MAML2: variants seen among roughly 807,000 people sequenced by gnomAD.
MAML2 encodes the protein mastermind like transcriptional coactivator 2, also known as mastermind-like protein 2.
Under a neutral mutation model 96.1 loss-of-function variants are expected in MAML2, and 22 were observed. The observed-to-expected ratio is 0.23, with a 90% confidence interval of 0.16 to 0.33. The LOEUF is 0.33. Ranked by LOEUF, MAML2 falls within the 10% of genes least tolerant of loss-of-function variation. The pLI is 1.00. For synonymous variants in MAML2, 561 were observed against 521.3 expected (o/e 1.08, Z -1.04); for missense variants, 1,367 against 1,392.4 (o/e 0.98, Z 0.29).
intron 2 of MAML2, among the ~76,000 whole-genome samples, chr11:96,062,671 C>T (rs1435764128): frequency 1.3e-5 from 2 of 152,170 alleles, no homozygotes; most frequent in South Asian, 4.1e-4. Flanking sequence ...CAGGAGGCAG[C>T]GCCCCTTCCC....
In MAML2 at chr11:95,998,122, ATCTG is replaced by A. The variant is rs138084497; in HGVS notation, c.2140-6403_2140-6400del. Among the ~76,000 whole-genome samples, 63 of 117,458 alleles carry A rather than the reference ATCTG, an allele frequency of 5.4e-4. 1 individual carries two copies. The highest frequency in any genetic ancestry group is 1.8e-3 in the South Asian group (6 of 3,280). The allele number at this position is 117,458 out of a possible 152,430, so 77.1% of individuals were successfully genotyped here. On this transcript the variant is annotated intron_variant, in intron 2 of 4. Coordinates refer to ENST00000524717, the MANE Select transcript of MAML2 (RefSeq NM_032427.4). ...TACCCATTTATCCACTTTTCTATCT[ATCTG>A]TCTGTCTGTCTGTCAGTCTGTCTGT...
intron 1 of MAML2, among the ~76,000 whole-genome samples, chr11:96,173,239 C>A (rs375991049): frequency 9.9e-5 from 15 of 152,222 alleles, no homozygotes; most frequent in Admixed American, 2.6e-4. Flanking sequence ...AAAGGAAGAG[C>A]CTCAAATGTA....
chr11:96,019,432 A>G (rs1858402916), intron 2 of MAML2, among the ~76,000 whole-genome samples: 1 of 152,010 alleles, frequency 6.6e-6, no homozygotes, highest in African/African-American at 2.4e-5. Context: ...TAGCTTCAAC[A>G]TGGGGTCCTC....
intron 2 of MAML2, among the ~76,000 whole-genome samples, chr11:96,055,832 T>C (rs1388801212): frequency 6.6e-6 from 1 of 152,256 alleles, no homozygotes; most frequent in Non-Finnish European, 1.5e-5. Context: ...AAGATCACTT[T>C]GTCTAAAGAA....
chr11:96,340,113 C>T (rs945944546), intron 1 of MAML2, among the ~76,000 whole-genome samples: 3 of 152,186 alleles, frequency 2.0e-5, no homozygotes, highest in African/African-American at 7.2e-5. Context: ...CCAGGGTCTT[C>T]GTCACCATGG....
At chr11:96,086,001 A>G (rs1425028350) in intron 2 of MAML2, among the ~76,000 whole-genome samples, 1 of 152,214 alleles carries the variant, frequency 6.6e-6, no homozygotes, top group Admixed American at 6.5e-5. Flanking sequence ...TTAAAATGAA[A>G]TTTGTTGACT....
chr11:96,228,479 G>A (rs1862245702), intron 1 of MAML2, among the ~76,000 whole-genome samples: 1 of 152,150 alleles, frequency 6.6e-6, no homozygotes, highest in African/African-American at 2.4e-5. Context: ...AGTCAACCAT[G>A]TACATACACC....
At chr11:96,070,792 G>C (rs944540718) in intron 2 of MAML2, among the ~76,000 whole-genome samples, 3 of 152,242 alleles carry the variant, frequency 2.0e-5, no homozygotes, top group Non-Finnish European at 2.9e-5. Flanking sequence ...CTGGCCAGAG[G>C]TTTCAGGCCT....
At chr11:96,252,684 A>G (rs1319840693) in intron 1 of MAML2, among the ~76,000 whole-genome samples, 4 of 152,080 alleles carry the variant, frequency 2.6e-5, no homozygotes, top group African/African-American at 9.7e-5. Flanking sequence ...AGACACTAAC[A>G]TCACTGCTAT....
rs1862652995 is a variant in MAML2, at chr11:96,255,574, T to C, written c.513+85809A>G. ...GTTATTTGGGTTGTGTTCTGGCCTA[T>C]GACACCCAGGTAGAATTCCAACAGA... On this transcript the variant is annotated intron_variant, in intron 1 of 4. Coordinates refer to ENST00000524717, the MANE Select transcript of MAML2 (RefSeq NM_032427.4). Among the ~76,000 whole-genome samples the C allele has an allele frequency of 2.0e-5, 3 of 152,222 alleles. No homozygotes were observed. The South Asian group carries it at 6.2e-4, about 31-fold the overall frequency.
chr11:96,297,505 G>T (rs1320235755), intron 1 of MAML2, among the ~76,000 whole-genome samples: 2 of 152,078 alleles, frequency 1.3e-5, no homozygotes, highest in Non-Finnish European at 2.9e-5. Flanking sequence ...ATCCCAGGAG[G>T]TGGAGGTTAT....
intron 1 of MAML2, among the ~76,000 whole-genome samples, chr11:96,154,023 T>C (rs1341853218): frequency 3.3e-5 from 5 of 152,178 alleles, no homozygotes; most frequent in Non-Finnish European, 7.3e-5. Flanking sequence ...ACTTACAGTG[T>C]TTAAAACAAC....
intron 1 of MAML2, among the ~76,000 whole-genome samples, chr11:96,309,734 G>A (rs1250627914): frequency 3.5e-5 from 5 of 143,292 alleles, no homozygotes; most frequent in Non-Finnish European, 7.5e-5. Flanking sequence ...GTCTCACTCT[G>A]CCACCTAGGC....
At chr11:96,070,022 C>A (rs1054472938) in intron 2 of MAML2, among the ~76,000 whole-genome samples, 1 of 148,684 alleles carries the variant, frequency 6.7e-6, no homozygotes, top group African/African-American at 2.5e-5. Flanking sequence ...GACTCTGTCT[C>A]AAAAATAAAT....
intron 1 of MAML2, among the ~76,000 whole-genome samples, chr11:96,253,664 A>T (rs962614544): frequency 7.2e-5 from 11 of 152,218 alleles, no homozygotes; most frequent in African/African-American, 2.4e-4. Flanking sequence ...ATTTTCCTCA[A>T]GAAAAGGCAA....
At chr11:95,992,359 A>G (rs754763889) in intron 2 of MAML2, among the ~76,000 whole-genome samples, 6 of 152,200 alleles carry the variant, frequency 3.9e-5, no homozygotes, top group Non-Finnish European at 8.8e-5. Context: ...CACACTGACA[A>G]TGAGAAAATA....
At chr11:96,298,418 C>G (rs1863331922) in intron 1 of MAML2, among the ~76,000 whole-genome samples, 1 of 152,076 alleles carries the variant, frequency 6.6e-6, no homozygotes, top group African/African-American at 2.4e-5. Context: ...GAAGGTTAGC[C>G]TTGAACCAGA....
intron 1 of MAML2, among the ~76,000 whole-genome samples, chr11:96,272,823 T>C (rs942998406): frequency 6.6e-6 from 1 of 152,208 alleles, no homozygotes; most frequent in Non-Finnish European, 1.5e-5. Context: ...TTCGACTTAG[T>C]GCTCTTTGTG....
At chr11:96,304,882 C>G (rs369792803) in intron 1 of MAML2, among the ~76,000 whole-genome samples, 26 of 152,270 alleles carry the variant, frequency 1.7e-4, no homozygotes, top group East Asian at 1.2e-3. Context: ...TATGTTTCTT[C>G]TATTTGAGAA....
Sources: allele counts gnomAD v4.1 joint callset (sites outside exome capture counted in the v4.1 genomes callset), GRCh38; gene constraint gnomAD v4.1.1; transcripts MANE v1.5; gene names NCBI Gene and HGNC (gene_info 2026-07-23, HGNC 2026-07-21).